The following TFCP2L1 variants were observed in gnomAD, a reference collection of about 807,000 sequenced individuals.
TFCP2L1 encodes the protein transcription factor CP2 like 1, also known as transcription factor CP2-like protein 1.
A neutral mutation model predicts 72.2 loss-of-function variants in TFCP2L1; 12 were observed. That is an observed-to-expected ratio of 0.17 (90% CI 0.11 to 0.27). The LOEUF is 0.27. Ranked by LOEUF, TFCP2L1 falls within the 10% of genes least tolerant of loss-of-function variation. The probability of loss-of-function intolerance (pLI) is 1.00; values close to 1 mark genes in which losing one functional copy is unlikely to be tolerated. For missense variants in TFCP2L1, 488 were observed against 624.6 expected, an observed-to-expected ratio of 0.78 and a Z score of 2.33; for synonymous variants, 260 against 251.0, an observed-to-expected ratio of 1.04 and a Z score of -0.34.
intron 4 of TFCP2L1, 100 bp downstream of exon 4, chr2:121,248,882 A>G: frequency 1.1e-6 from 1 of 938,670 alleles, no homozygotes; most frequent in South Asian, 1.9e-5. Flanking sequence ...GTGCAAGCTA[A>G]AACGCCTTCT....
intron 14 of TFCP2L1, 83 bp downstream of exon 14, chr2:121,225,477 ACT>A: frequency 7.7e-7 from 1 of 1,297,072 alleles, no homozygotes; most frequent in Non-Finnish European, 1.1e-6. Context: ...CCAGGTCAGC[ACT>A]CTCTGGAAGG....
rs78757444 is a variant in TFCP2L1 at position 121,242,265 on chromosome 2, C to G, written c.768+94G>C. 4.3e-4 allele frequency: 472 copies of G among 1,098,816 alleles called. 1 individual carries two copies. The African/African-American group carries it at 6.6e-3, about 15-fold the overall frequency. 68.1% of individuals were successfully genotyped at this position (1,098,816 alleles called of 1,614,324 possible). On this transcript the variant is annotated intron_variant, in intron 7 of 14. Coordinates refer to ENST00000263707, the MANE Select transcript of TFCP2L1 (RefSeq NM_014553.3). Reference sequence around the variant, plus strand: ...GAATAAGCACTCTCAGAAGTAGTCACCCGAGATGGGCGATTTTCCAAGAAT... The same window carrying G: ...GAATAAGCACTCTCAGAAGTAGTCAGCCGAGATGGGCGATTTTCCAAGAAT...
At chr2:121,283,397 T>G (rs1282387578) in intron 1 of TFCP2L1, among the ~76,000 whole-genome samples, 1 of 152,190 alleles carries the variant, frequency 6.6e-6, no homozygotes, top group Non-Finnish European at 1.5e-5. Flanking sequence ...ACCGCCACCT[T>G]GGCCCTCACT....
intron 2 of TFCP2L1, among the ~76,000 whole-genome samples, chr2:121,263,187 C>T (rs1295251233): frequency 1.3e-5 from 2 of 152,210 alleles, no homozygotes; most frequent in Admixed American, 6.5e-5. Flanking sequence ...CTGCCTGCCT[C>T]GGCCTCCCAA....
intron 2 of TFCP2L1, among the ~76,000 whole-genome samples, 198 bp downstream of exon 2, chr2:121,280,922 T>C (rs531796823): frequency 1.3e-5 from 2 of 152,228 alleles, no homozygotes; most frequent in African/African-American, 4.8e-5. Flanking sequence ...TGTTTCCATT[T>C]TTCAGATGAA....
chr2:121,240,151 A>T (rs1464308239), intron 7 of TFCP2L1: 6 of 985,192 alleles, frequency 6.1e-6, no homozygotes, highest in Middle Eastern at 5.2e-4. Flanking sequence ...GCTCTTGCAC[A>T]ATCACCAAAA....
At position 121,239,578 on chromosome 2, in the gene TFCP2L1, G is replaced by A. The variant is rs762684667; in HGVS notation, c.840C>T (p.Asn280=). 30 of 1,614,222 alleles carry A rather than the reference G, an allele frequency of 1.9e-5. No individual in the cohort carries two copies. Among genetic ancestry groups the A allele is most frequent in the Non-Finnish European group, 2.5e-5 (29 of 1,180,036 alleles). The part of the protein sequence containing the change: ...APSPSYNGSP[N]SFGLGEGNAS... The stretch of plus-strand genomic sequence containing the variant: ...CGTACCCTTCGCCGAGGCCAAAGCT[G>A]TTTGGAGAACCATTGTAGCTTGGGG... Residue 280 remains asparagine (N), a synonymous_variant, in exon 8 of 15, where the codon AAC becomes AAT. Transcript: ENST00000263707.
rs1258944182 is a variant in TFCP2L1, at chr2:121,285,042, C to T, written c.62+6G>A. 48 of 1,499,930 alleles carry T rather than the reference C, an allele frequency of 3.2e-5. No homozygotes were observed. Among genetic ancestry groups the T allele is most frequent in the Non-Finnish European group, 4.3e-5 (48 of 1,125,030 alleles). 92.9% of individuals were successfully genotyped at this position (1,499,930 alleles called of 1,614,324 possible). ...GAGACCCGCGGGGACCGCGCGCGGC[C>T]CTTACCGCAGGTAGCTGCCGGAGTT... On this transcript the variant is annotated splice_donor_region_variant and intron_variant, in intron 1 of 14. Coordinates refer to ENST00000263707, the MANE Select transcript of TFCP2L1 (RefSeq NM_014553.3).
chr2:121,227,630 G>A (rs1686054972), intron 13 of TFCP2L1, among the ~76,000 whole-genome samples: 2 of 151,978 alleles, frequency 1.3e-5, no homozygotes, highest in African/African-American at 2.4e-5. Context: ...GCAGTGAGCT[G>A]AGATCACATC....
chr2:121,272,633 T>A (rs1687067484), intron 2 of TFCP2L1, among the ~76,000 whole-genome samples: 1 of 152,180 alleles, frequency 6.6e-6, no homozygotes, highest in Non-Finnish European at 1.5e-5. Flanking sequence ...CAGCAAAAGT[T>A]ATCAAAGTCT....
chr2:121,247,020 C>G (rs2252862), intron 5 of TFCP2L1, 50 bp from the exon 6 acceptor site: 674,893 of 1,605,426 alleles, frequency 0.42, 153,951 homozygotes, highest in African/African-American at 0.83. Context: ...AAGCAGGGTG[C>G]CCCTGGATCC....
chr2:121,258,368 C>A (rs1186625782), intron 2 of TFCP2L1, among the ~76,000 whole-genome samples: 1 of 152,202 alleles, frequency 6.6e-6, no homozygotes, highest in Non-Finnish European at 1.5e-5. Flanking sequence ...AGCTTAGGCG[C>A]TAAAAAATCT....
intron 2 of TFCP2L1, among the ~76,000 whole-genome samples, chr2:121,252,592 G>A (rs1159851198): frequency 6.6e-6 from 1 of 152,156 alleles, no homozygotes; most frequent in African/African-American, 2.4e-5. Flanking sequence ...ACAGAAAAGA[G>A]AGGAGGCACC....
intron 1 of TFCP2L1, among the ~76,000 whole-genome samples, chr2:121,282,112 T>C (rs1473941361): frequency 1.3e-5 from 2 of 151,870 alleles, no homozygotes; most frequent in Admixed American, 6.6e-5. Context: ...TTTGTATTTT[T>C]AGTAGAGACA....
chr2:121,275,568 C>CT (rs931104631), intron 2 of TFCP2L1, among the ~76,000 whole-genome samples: 5,286 of 121,752 alleles, frequency 0.043, 271 homozygotes, highest in East Asian at 0.17. Context: ...AGAAGTAAGT[C>CT]TTTTTTTTTT....
intron 6 of TFCP2L1, among the ~76,000 whole-genome samples, chr2:121,242,907 C>T (rs889834017): frequency 8.5e-5 from 13 of 152,228 alleles, no homozygotes; most frequent in African/African-American, 2.7e-4. Flanking sequence ...CCCCAGCTTA[C>T]ACTCTGTCTG....
chr2:121,275,298 C>T (rs1274441309), intron 2 of TFCP2L1, among the ~76,000 whole-genome samples: 2 of 146,026 alleles, frequency 1.4e-5, no homozygotes, highest in African/African-American at 5.1e-5. Flanking sequence ...ACTTGGGAGG[C>T]TGAGGCAGGA....
intron 7 of TFCP2L1, 51 bp from the exon 8 acceptor site, chr2:121,239,700 T>A (rs1320759789): frequency 6.4e-7 from 1 of 1,560,282 alleles, no homozygotes; most frequent in African/African-American, 1.4e-5. Flanking sequence ...CGCTGAGCCG[T>A]GCTCCCCAGG....
At chr2:121,242,077 C>T (rs1244852859) in intron 7 of TFCP2L1, among the ~76,000 whole-genome samples, 3 of 105,596 alleles carry the variant, frequency 2.8e-5, no homozygotes, top group African/African-American at 1.5e-4. Flanking sequence ...GAATACATTA[C>T]CTACTCAAAA....
Sources: gnomAD v4.1 joint callset for allele counts (sites outside exome capture counted in the v4.1 genomes callset) on GRCh38, gnomAD v4.1.1 for gene constraint, MANE v1.5 for transcripts, NCBI Gene and HGNC (gene_info 2026-07-23, HGNC 2026-07-21) for gene names.